The following PCDHGB5 variants were observed in gnomAD, a reference collection of about 807,000 sequenced individuals.
The protein encoded by PCDHGB5 is protocadherin gamma-B5.
PCDHGB5 carries 48 observed loss-of-function variants against 62.9 expected under a neutral mutation model. The ratio of observed to expected loss-of-function variants is 0.76; its 90% CI spans 0.61 to 0.97. PCDHGB5 has a LOEUF of 0.97. PCDHGB5 is among the 50% of genes least tolerant of loss of function. PCDHGB5 has a pLI of 0.00. For missense variants in PCDHGB5, 1,118 were observed against 1,198.6 expected (o/e 0.93, Z 0.99); for synonymous variants, 474 against 511.2 (o/e 0.93, Z 0.98).
chr5:141,478,604 T>C (rs1425759709), intron 1 of PCDHGB5: 2 of 1,562,580 alleles, frequency 1.3e-6, no homozygotes, highest in South Asian at 2.3e-5. Context: ...CTACATCATA[T>C]TGAGGAAGGA....
Position 141,400,379 on chromosome 5 carries a change from G to C in PCDHGB5, c.2252G>C (p.Cys751Ser), listed in dbSNP as rs759135733. 3 of 1,613,922 alleles carry C rather than the reference G, an allele frequency of 1.9e-6. No homozygotes were observed. The East Asian group carries it at 6.7e-5, about 36-fold the overall frequency. ...QGTLPYSYNL[C>S]VAHTGKTEFN... ...ACTTTGCCTTATTCCTACAACCTAT[G>C]TGTTGCACATACAGGAAAGACGGAG... The change falls in exon 1 of 4, where the codon TGT (cysteine) becomes TCT (serine). Residue 751 changes from cysteine (C) to serine (S), a missense_variant. Around this residue, in one of 2 missense-constraint regions of PCDHGB5, gnomAD observed 1,034 missense variants for 1,029.1 expected, o/e 1.00. Coordinates refer to ENST00000617380, the MANE Select transcript of PCDHGB5 (RefSeq NM_018925.3).
chr5:141,410,420 C>T (rs1426515605), intron 1 of PCDHGB5: 4 of 1,613,926 alleles, frequency 2.5e-6, no homozygotes, highest in Non-Finnish European at 3.4e-6. Flanking sequence ...ACCTGTAGTT[C>T]CCCCCAACTA....
intron 1 of PCDHGB5, among the ~76,000 whole-genome samples, chr5:141,429,629 C>G (rs2097230011): frequency 1.3e-5 from 2 of 152,160 alleles, no homozygotes; most frequent in Admixed American, 1.3e-4. Flanking sequence ...TATTTTCTCA[C>G]AGCTACCTAT....
intron 1 of PCDHGB5, among the ~76,000 whole-genome samples, chr5:141,425,551 T>C (rs1472337722): frequency 1.3e-5 from 2 of 152,270 alleles, no homozygotes. Context: ...CAGAAACCTC[T>C]TTTATAAGTG....
intron 2 of PCDHGB5, among the ~76,000 whole-genome samples, chr5:141,495,270 G>C (rs1428903664): frequency 1.3e-5 from 2 of 152,178 alleles, no homozygotes; most frequent in Non-Finnish European, 2.9e-5. Context: ...GCATTTGACC[G>C]GAGGAGGCGG....
At position 141,505,413 on chromosome 5, in the gene PCDHGB5, C is replaced by A; in HGVS notation, c.2477C>A (p.Thr826Asn). ...CCCAGCTCCCAAAATGGCGATGACACCGGCACCTGGCCCAACAACCAGTTT... is the reference window on the plus strand; with the variant it reads ...CCCAGCTCCCAAAATGGCGATGACAACGGCACCTGGCCCAACAACCAGTTT... ...GTSGSQNGDD[T>N]GTWPNNQFDT... Residue 826 changes from threonine to asparagine, a missense_variant, in exon 3 of 4, where the codon ACC becomes AAC. Physicochemically the swap from Thr to Asn is moderately conservative, Grantham distance 65 (BLOSUM62 0). Coordinates refer to ENST00000617380, the MANE Select transcript of PCDHGB5 (RefSeq NM_018925.3). 1 of 1,614,202 alleles carries A rather than the reference C, an allele frequency of 6.2e-7. No homozygotes were observed. Among genetic ancestry groups the A allele is most frequent in the Non-Finnish European group, 8.5e-7 (1 of 1,180,046 alleles).
At position 141,487,465 on chromosome 5, in the gene PCDHGB5, T is replaced by C. The variant is rs1354086784; in HGVS notation, c.2398-7342T>C. 1.9e-6 allele frequency: 3 copies of C among 1,614,194 alleles called. No individual in the cohort carries two copies. The highest frequency in any genetic ancestry group is 1.7e-6 in the Non-Finnish European group (2 of 1,180,020). Reference sequence around the variant, plus strand: ...CAGATGACCCTATCAAGTTTGTTGATGTGGGAGGCCACTCTCATGGCTGTA... The same window carrying C: ...CAGATGACCCTATCAAGTTTGTTGACGTGGGAGGCCACTCTCATGGCTGTA... On this transcript the variant is annotated intron_variant, in intron 1 of 3. Transcript: ENST00000617380. The surrounding 1 kb of genome is among the most constrained non-coding windows in gnomAD (Gnocchi z 5.0).
intron 1 of PCDHGB5, chr5:141,427,796 C>A: frequency 6.7e-7 from 1 of 1,502,108 alleles, no homozygotes; most frequent in Non-Finnish European, 9.2e-7. Flanking sequence ...CCTACGTGTC[C>A]GTGAGCGCAC....
chr5:141,420,065 G>T, intron 1 of PCDHGB5: 1 of 1,614,018 alleles, frequency 6.2e-7, no homozygotes, highest in East Asian at 2.2e-5. Flanking sequence ...CTCCAAGTCC[G>T]GACCTGTGGG....
chr5:141,460,346 ATTTTC>A (rs1049715417), intron 1 of PCDHGB5, among the ~76,000 whole-genome samples: 6 of 151,964 alleles, frequency 3.9e-5, no homozygotes, highest in Non-Finnish European at 8.8e-5. Flanking sequence ...TTTCTCCTAT[ATTTTC>A]TTTTAGAAGT....
chr5:141,414,684 AC>A (rs1561750824), intron 1 of PCDHGB5: 1 of 1,613,924 alleles, frequency 6.2e-7, no homozygotes, highest in Admixed American at 1.7e-5. Flanking sequence ...TCCAGGGGGT[AC>A]CTCTGTCCTC....
At chr5:141,440,484 A>G (rs190024112) in intron 1 of PCDHGB5, 36 of 152,300 alleles carry the variant, frequency 2.4e-4, no homozygotes, top group Non-Finnish European at 4.7e-4. Context: ...AATTCTTTAA[A>G]TGTTTTTCAC....
chr5:141,422,575 C>G, intron 1 of PCDHGB5: 1 of 1,613,976 alleles, frequency 6.2e-7, no homozygotes, highest in Non-Finnish European at 8.5e-7. Flanking sequence ...CAACGATAAC[C>G]CTCCCGTTTT....
intron 1 of PCDHGB5, chr5:141,414,488 C>T (rs755499269): frequency 2.5e-6 from 4 of 1,613,914 alleles, no homozygotes; most frequent in African/African-American, 2.7e-5. Flanking sequence ...CCTCTATCAA[C>T]GGAAGCTCAC....
chr5:141,455,006 G>A (rs1194194759), intron 1 of PCDHGB5, among the ~76,000 whole-genome samples: 2 of 150,910 alleles, frequency 1.3e-5, no homozygotes, highest in Non-Finnish European at 3.0e-5. Flanking sequence ...TAGAGACGGG[G>A]TTTCACCGTG....
chr5:141,442,894 C>T (rs1173211061), intron 1 of PCDHGB5, among the ~76,000 whole-genome samples: 1 of 152,204 alleles, frequency 6.6e-6, no homozygotes, highest in Non-Finnish European at 1.5e-5. Flanking sequence ...CCCTGCTTAT[C>T]ACTTCTCCTT....
chr5:141,491,409 G>C lies in PCDHGB5; in HGVS notation c.2398-3398G>C, dbSNP rs2099711927. 6.2e-7 allele frequency: 1 copy of C among 1,614,000 alleles called. No homozygotes were observed. Among genetic ancestry groups the C allele is most frequent in the Non-Finnish European group, 8.5e-7 (1 of 1,180,022 alleles). The stretch of plus-strand genomic sequence containing the variant: ...AGTGCCTTCAGGGAAACGCAGACGG[G>C]GACGGGGGTGGAGGGCAGTGCTGCA... On this transcript the variant is annotated intron_variant, in intron 1 of 3. Coordinates refer to ENST00000617380, the MANE Select transcript of PCDHGB5 (RefSeq NM_018925.3). This position sits in a 1 kb window ranked among gnomAD's most constrained non-coding sequence, Gnocchi z 6.9.
intron 2 of PCDHGB5, among the ~76,000 whole-genome samples, chr5:141,502,866 C>CTCTTTTTT (rs1554188502): frequency 2.3e-5 from 3 of 128,046 alleles, no homozygotes; most frequent in Non-Finnish European, 3.2e-5. Flanking sequence ...GACTCTCTGT[C>CTCTTTTTT]TTTTTTTTTT....
intron 1 of PCDHGB5, chr5:141,409,191 A>G: frequency 1.2e-6 from 2 of 1,613,970 alleles, no homozygotes; most frequent in African/African-American, 2.7e-5. Flanking sequence ...CTCTCTACCC[A>G]GTGTAAAGTA....
Sources: allele counts gnomAD v4.1 joint callset (sites outside exome capture counted in the v4.1 genomes callset), GRCh38; gene constraint gnomAD v4.1.1; regional missense constraint gnomAD v4.1.1; non-coding constraint Gnocchi (gnomAD v3.1); transcripts MANE v1.5; gene names NCBI Gene and HGNC (gene_info 2026-07-23, HGNC 2026-07-21).